The following FIRRM variants were observed in gnomAD, a reference collection of about 807,000 sequenced individuals.
FIRRM encodes the protein FIGNL1-interacting regulator of recombination and mitosis.
chr1:169,806,121 A>G, the FIRRM span: 4 of 1,291,846 alleles, frequency 3.1e-6, no homozygotes, highest in Non-Finnish European at 4.4e-6. Flanking sequence ...ACTTTTTAGA[A>G]AATGTTTTCC....
At chr1:169,792,301 G>A in the FIRRM span, among the ~76,000 whole-genome samples, 4 of 152,240 alleles carry the variant, frequency 2.6e-5, no homozygotes, top group Admixed American at 2.0e-4. Context: ...TTCATGTAAC[G>A]TCAAAGGTGG....
the FIRRM span, chr1:169,830,347 A>G: frequency 1.2e-6 from 2 of 1,612,408 alleles, no homozygotes; most frequent in Non-Finnish European, 1.7e-6. Context: ...GCTCGGTACA[A>G]CATATTTGCT....
the FIRRM span, among the ~76,000 whole-genome samples, chr1:169,811,036 A>G: frequency 6.7e-6 from 1 of 150,172 alleles, no homozygotes; most frequent in East Asian, 2.0e-4. Flanking sequence ...ATTTTTTTGT[A>G]TTTTTAGTAG....
chr1:169,792,392 G>GAGGATACCTTCTCAGTTTCACC, the FIRRM span: 6 of 464,330 alleles, frequency 1.3e-5, no homozygotes, highest in East Asian at 2.1e-4. Flanking sequence ...TCAAATGCAC[G>GAGGATACCTTCTCAGTTTCACC]AGGATACCTT....
chr1:169,833,886 T>G, the FIRRM span, among the ~76,000 whole-genome samples: 1 of 139,138 alleles, frequency 7.2e-6, no homozygotes, highest in African/African-American at 2.7e-5. Flanking sequence ...AGAGACAGGG[T>G]CTGGTTATGT....
chr1:169,823,611 A>C, the FIRRM span: 1 of 523,688 alleles, frequency 1.9e-6, no homozygotes, highest in East Asian at 3.2e-5. Context: ...GCTTGAAATA[A>C]TTGGAGATAG....
the FIRRM span, among the ~76,000 whole-genome samples, chr1:169,800,270 C>A: frequency 6.6e-6 from 1 of 151,952 alleles, no homozygotes; most frequent in Non-Finnish European, 1.5e-5. Flanking sequence ...GTCTTTAACT[C>A]CTGGGCTCAG....
the FIRRM span, chr1:169,830,881 T>C: frequency 1.3e-6 from 1 of 769,890 alleles, no homozygotes. Flanking sequence ...CTTTGTCTTG[T>C]ATTAATGCTG....
At chr1:169,850,074 A>G in the FIRRM span, 1 of 579,066 alleles carries the variant, frequency 1.7e-6, no homozygotes, top group Non-Finnish European at 3.1e-6. Context: ...AGCTTACAAC[A>G]CTTGTACAGA....
At chr1:169,812,479 C>T in the FIRRM span, among the ~76,000 whole-genome samples, 1 of 152,146 alleles carries the variant, frequency 6.6e-6, no homozygotes, top group East Asian at 1.9e-4. Context: ...GATATGATGA[C>T]GTCTATGCTG....
At chr1:169,810,920 C>T in the FIRRM span, among the ~76,000 whole-genome samples, 4 of 127,186 alleles carry the variant, frequency 3.1e-5, no homozygotes, top group East Asian at 7.9e-4. Context: ...ACTGCAGTGG[C>T]GCAATCTCGG....
the FIRRM span, chr1:169,802,511 G>A: frequency 3.1e-6 from 2 of 648,110 alleles, no homozygotes; most frequent in African/African-American, 3.7e-5. Flanking sequence ...GCCTGTGGAT[G>A]TTACTAGTGC....
chr1:169,825,303 C>T, the FIRRM span, among the ~76,000 whole-genome samples: 1 of 152,298 alleles, frequency 6.6e-6, no homozygotes, highest in African/African-American at 2.4e-5. Flanking sequence ...ATCAATGGAA[C>T]TTCTTGTCTT....
chr1:169,788,363 C>G, the FIRRM span, among the ~76,000 whole-genome samples: 1 of 152,342 alleles, frequency 6.6e-6, no homozygotes, highest in Non-Finnish European at 1.5e-5. Context: ...TGATGATCCA[C>G]TTCCACTTAG....
At chr1:169,799,288 C>G in the FIRRM span, among the ~76,000 whole-genome samples, 48 of 152,296 alleles carry the variant, frequency 3.2e-4, no homozygotes, top group African/African-American at 1.1e-3. Context: ...CAGCCTCTAA[C>G]ATGTTTAGTG....
the FIRRM span, among the ~76,000 whole-genome samples, chr1:169,840,807 G>C: frequency 7.9e-5 from 12 of 152,164 alleles, no homozygotes; most frequent in African/African-American, 2.9e-4. Flanking sequence ...ACTGCGCTCG[G>C]CCTTGTGTTC....
chr1:169,796,037 A>C, the FIRRM span: 6 of 903,716 alleles, frequency 6.6e-6, no homozygotes, highest in Non-Finnish European at 5.3e-6. Context: ...AGCTTTATAC[A>C]ATTACACTCA....
the FIRRM span, chr1:169,806,211 T>C: frequency 1.1e-4 from 71 of 617,864 alleles, 3 homozygotes; most frequent in South Asian, 1.4e-3. Flanking sequence ...TCACTGACAC[T>C]GCTGTCTGAT....
the FIRRM span, chr1:169,792,887 C>T: frequency 6.2e-7 from 1 of 1,614,072 alleles, no homozygotes; most frequent in Admixed American, 1.7e-5. Context: ...AAACTCAGAC[C>T]ACTCACCAGA....
Sources: gnomAD v4.1 joint callset for allele counts (sites outside exome capture counted in the v4.1 genomes callset) on GRCh38, gnomAD v4.1.1 for gene constraint, MANE v1.5 for transcripts, NCBI Gene and HGNC (gene_info 2026-07-23, HGNC 2026-07-21) for gene names.